Variants in ZMYM1 observed in about 807,000 individuals in gnomAD.
ZMYM1 encodes zinc finger MYM-type containing 1, also known as zinc finger MYM-type protein 1.
In ZMYM1, 39 loss-of-function variants were observed where a neutral mutation model predicts 60.0. That is an observed-to-expected ratio of 0.65 (90% CI 0.50 to 0.85). The LOEUF (loss-of-function observed/expected upper bound fraction) is 0.85, where lower values mean the gene tolerates loss of function less well. Among genes scored for constraint, ZMYM1 ranks in the 40% least tolerant of loss-of-function variants. The pLI, the probability that ZMYM1 is intolerant of heterozygous loss-of-function variation, is 0.00. For missense variants in ZMYM1, 1,171 were observed against 1,309.5 expected, an observed-to-expected ratio of 0.89 and a Z score of 1.63; for synonymous variants, 413 against 454.0, an observed-to-expected ratio of 0.91 and a Z score of 1.15.
intron 4 of ZMYM1, among the ~76,000 whole-genome samples, chr1:35,099,637 CATTA>C (rs1643532173): frequency 6.6e-6 from 1 of 152,160 alleles, no homozygotes; most frequent in East Asian, 1.9e-4. Flanking sequence ...AAAAATTCCA[CATTA>C]ATTAGCCTTT....
chr1:35,108,017 G>A (rs1288129787), intron 6 of ZMYM1, among the ~76,000 whole-genome samples: 1 of 152,040 alleles, frequency 6.6e-6, no homozygotes, highest in Non-Finnish European at 1.5e-5. Flanking sequence ...GGCTGAGGCA[G>A]GAGAATTGCT....
In ZMYM1 at chr1:35,104,319, G is replaced by A; in HGVS notation, c.444G>A (p.Val148=). 6.3e-7 allele frequency: 1 copy of A among 1,599,094 alleles called. No homozygotes were observed. The highest frequency in any genetic ancestry group is 8.5e-7 in the Non-Finnish European group (1 of 1,174,890). Residue 148 remains valine, a synonymous_variant, in exon 5 of 10, where the codon GTG becomes GTA. Transcript: ENST00000359858. ...GAGACATTTTAAATCCAAAGGATGT[G>A]ATTAGTGTCCAGCTGGAAGACACTA... ...CSKDILNPKD[V]ISVQLEDTTS...
chr1:35,116,835 ATTTTTT>A (rs10671957), downstream of ZMYM1, among the ~76,000 whole-genome samples: 10 of 88,966 alleles, frequency 1.1e-4, no homozygotes, highest in East Asian at 4.4e-4. Flanking sequence ...TAGGCCTGGA[ATTTTTT>A]TTTTTTTTTT....
At chr1:35,061,514 C>T (rs1217389996) in intron 1 of ZMYM1, among the ~76,000 whole-genome samples, 2 of 152,042 alleles carry the variant, frequency 1.3e-5, no homozygotes, top group African/African-American at 4.8e-5. Flanking sequence ...CGGTGGCTCA[C>T]GCCTGTAATC....
intron 2 of ZMYM1, among the ~76,000 whole-genome samples, chr1:35,095,060 T>C (rs1643234516): frequency 6.6e-6 from 1 of 152,138 alleles, no homozygotes; most frequent in South Asian, 2.1e-4. Context: ...TGCTTCTTCA[T>C]GCCATGGACA....
At chr1:35,074,414 ATTTTCTTTTT>A (rs1359457602), upstream of ZMYM1, among the ~76,000 whole-genome samples, 1 of 150,882 alleles carries the variant, frequency 6.6e-6, no homozygotes, top group African/African-American at 2.4e-5. Context: ...TTCTTTGTTG[ATTTTCTTTTT>A]TTTTCTTTTT....
chr1:35,068,402 G>A, intron 1 of ZMYM1, among the ~76,000 whole-genome samples: 1 of 137,460 alleles, frequency 7.3e-6, no homozygotes, highest in South Asian at 2.2e-4. Context: ...CTGGGCAACA[G>A]AGTGAAACTC....
chr1:35,077,514 G>A (rs951334044), upstream of ZMYM1, among the ~76,000 whole-genome samples: 1 of 152,160 alleles, frequency 6.6e-6, no homozygotes, highest in African/African-American at 2.4e-5. Flanking sequence ...TCATGCAGCT[G>A]GAGGCCAAGA....
chr1:35,117,421 G>A (rs1010208526), downstream of ZMYM1, among the ~76,000 whole-genome samples: 4 of 152,010 alleles, frequency 2.6e-5, no homozygotes, highest in African/African-American at 4.8e-5. Flanking sequence ...GCGGGTTCAA[G>A]TGATTCTCCT....
rs151294492 is a variant in ZMYM1, at chr1:35,092,019, G to A, written c.-74-1895G>A. ...TGGCTGACTGCAACCTCTGCCTCCC[G>A]TTTTCAAGTGATTCTCCTGCCTCAG... On this transcript the variant is annotated intron_variant, in intron 1 of 9. Coordinates refer to ENST00000359858, the MANE Select transcript of ZMYM1 (RefSeq NM_024772.5). 2.5e-3 allele frequency among the ~76,000 whole-genome samples: 381 copies of A among 151,760 alleles called. 4 individuals carry two copies. The highest frequency in any genetic ancestry group is 8.5e-3 in the African/African-American group (352 of 41,390).
chr1:35,113,366 G>A lies in ZMYM1; in HGVS notation c.1536G>A (p.Lys512=). The A allele has an allele frequency of 6.2e-7, 1 of 1,613,278 alleles. No individual in the cohort carries two copies. Among genetic ancestry groups the A allele is most frequent in the Non-Finnish European group, 8.5e-7 (1 of 1,179,804 alleles). ...AAAAAACCCTGGAAAAATTCAGAAA[G>A]CATGAAAAAAGTGAAATGCATTTGA... ...NWKKTLEKFR[K]HEKSEMHLKS... Residue 512 remains lysine (K), a synonymous_variant, in exon 10 of 10, where the codon AAG becomes AAA. Transcript: ENST00000359858.
At chr1:35,077,489 A>G (rs1642187124), upstream of ZMYM1, among the ~76,000 whole-genome samples, 1 of 152,226 alleles carries the variant, frequency 6.6e-6, no homozygotes. Context: ...AAGATTAGAA[A>G]TTATGGTTTA....
Position 35,111,792 on chromosome 1 carries a change from CATG to C in ZMYM1, c.985_987del (p.Asp329del). On this transcript the variant is annotated inframe_deletion, in exon 8 of 10. Coordinates refer to ENST00000359858, the MANE Select transcript of ZMYM1 (RefSeq NM_024772.5). ...GTCAGTAAGTGTTGTTTCTGTGGTG[CATG>C]ATACTTCAACAGAGCTTCTTTCTCC... 6.2e-7 allele frequency: 1 copy of C among 1,601,252 alleles called. No individual in the cohort carries two copies. The highest frequency in any genetic ancestry group is 8.5e-7 in the Non-Finnish European group (1 of 1,173,106).
upstream of ZMYM1, among the ~76,000 whole-genome samples, chr1:35,077,076 T>G (rs1033420599): frequency 2.6e-5 from 4 of 152,164 alleles, no homozygotes; most frequent in Non-Finnish European, 5.9e-5. Flanking sequence ...CGCATGAAAC[T>G]TGTGACCTAC....
rs373516765 is a variant in ZMYM1 at position 35,114,891 on chromosome 1, G to A, written c.3061G>A (p.Glu1021Lys). Residue 1021 changes from glutamate (E) to lysine (K), a missense_variant, in exon 10 of 10, where the codon GAG (glutamate) becomes AAG (lysine). Transcript: ENST00000359858. ...TGTTCAGGAATTTTATAAACTTGAT[G>A]AGGACATTATCCCAGAACTTAGATT... ...KHVQEFYKLD[E>K]DIIPELRFYR... is the part of the protein sequence containing the mutation. The A allele has an allele frequency of 2.8e-5, 45 of 1,609,158 alleles. No homozygotes were observed. Among genetic ancestry groups the A allele is most frequent in the Middle Eastern group, 3.3e-4 (2 of 6,046 alleles).
At chr1:35,087,483 A>G (rs1445654108) in intron 1 of ZMYM1, among the ~76,000 whole-genome samples, 5 of 151,010 alleles carry the variant, frequency 3.3e-5, no homozygotes, top group African/African-American at 7.3e-5. Context: ...CTGGAGTGCA[A>G]TGGCGCAGTC....
Position 35,071,033 on chromosome 1 carries a change from C to T in ZMYM1, c.-300-7961C>T, listed in dbSNP as rs188207988. 1.1e-4 allele frequency among the ~76,000 whole-genome samples: 16 copies of T among 151,880 alleles called. No homozygotes were observed. In the East Asian group the frequency reaches 2.1e-3, roughly 20 times the overall value. ...CCAAGTAGCTGAGATTACAGGTGTG[C>T]GCCACCACACCCAGCAATTTTTTTA... On this transcript the variant is annotated intron_variant, in intron 1 of 10. Coordinates refer to the ZMYM1 transcript ENST00000417119.
rs757842594 is a variant in ZMYM1 at position 35,104,314 on chromosome 1, G to T, written c.439G>T (p.Asp147Tyr). ...NCSKDILNPKDVISVQLEDTT... is the reference protein window; with the variant it reads ...NCSKDILNPKYVISVQLEDTT... ...TCTTAGAGACATTTTAAATCCAAAG[G>T]ATGTGATTAGTGTCCAGCTGGAAGA... The change falls in exon 5 of 10, where the codon GAT becomes TAT. Residue 147 changes from aspartate (D) to tyrosine (Y), a missense_variant. Physicochemically the swap from Asp to Tyr is radical, Grantham distance 160. Coordinates refer to ENST00000359858, the MANE Select transcript of ZMYM1 (RefSeq NM_024772.5). 2 of 1,592,876 alleles carry T rather than the reference G, an allele frequency of 1.3e-6. No individual in the cohort carries two copies. Among genetic ancestry groups the T allele is most frequent in the South Asian group, 1.1e-5 (1 of 88,662 alleles).
intron 2 of ZMYM1, 70 bp downstream of exon 2, chr1:35,094,153 C>A: frequency 7.4e-7 from 1 of 1,350,102 alleles, no homozygotes; most frequent in Non-Finnish European, 1.0e-6. Flanking sequence ...TACAAAGGTG[C>A]TGAAATGATT....
Sources: allele counts gnomAD v4.1 joint callset (sites outside exome capture counted in the v4.1 genomes callset), GRCh38; gene constraint gnomAD v4.1.1; transcripts MANE v1.5; gene names NCBI Gene and HGNC (gene_info 2026-07-23, HGNC 2026-07-21).